CFAP92: variants seen among roughly 807,000 people sequenced by gnomAD.
CFAP92 encodes the protein uncharacterized protein CFAP92.
Under a neutral mutation model 106.3 loss-of-function variants are expected in CFAP92, and 86 were observed. That is an observed-to-expected ratio of 0.81 (90% CI 0.68 to 0.97). The LOEUF is 0.97. CFAP92 is among the 50% of genes least tolerant of loss of function. CFAP92 has a pLI of 0.00. For missense variants in CFAP92, 1,204 were observed against 1,283.8 expected (o/e 0.94, Z 0.95); for synonymous variants, 477 against 506.4 (o/e 0.94, Z 0.78).
chr3:128,914,860 C>T (rs1399393558), intron 15 of CFAP92: 1 of 466,778 alleles, frequency 2.1e-6, no homozygotes, highest in African/African-American at 1.9e-5. Flanking sequence ...ACTTTATAGC[C>T]AAGAAACCAG....
At chr3:129,018,487 T>G in the CFAP92 span, among the ~76,000 whole-genome samples, 4 of 152,254 alleles carry the variant, frequency 2.6e-5, no homozygotes, top group Admixed American at 1.3e-4. Flanking sequence ...TTTACATATT[T>G]TCTGGGACTG....
intron 11 of CFAP92, among the ~76,000 whole-genome samples, chr3:128,933,480 A>G (rs1215664669): frequency 6.6e-6 from 1 of 152,208 alleles, no homozygotes; most frequent in Admixed American, 6.5e-5. Context: ...GCCCTCTGCC[A>G]TGGCCTGGTG....
the CFAP92 span, among the ~76,000 whole-genome samples, chr3:129,012,353 C>A: frequency 1.3e-5 from 2 of 152,174 alleles, no homozygotes; most frequent in Admixed American, 6.5e-5. Context: ...GGTGTGCCTG[C>A]ATTTGCTACA....
At chr3:128,994,729 C>T (rs1944415558), upstream of CFAP92, among the ~76,000 whole-genome samples, 1 of 152,182 alleles carries the variant, frequency 6.6e-6, no homozygotes, top group South Asian at 2.1e-4. Context: ...GTCTGCTAAA[C>T]CACCCAAGCT....
At chr3:128,937,222 C>A (rs1939112896) in intron 10 of CFAP92, among the ~76,000 whole-genome samples, 1 of 150,762 alleles carries the variant, frequency 6.6e-6, no homozygotes, top group Non-Finnish European at 1.5e-5. Context: ...GATGGCTTGA[C>A]CCCTGGAGGT....
intron 5 of CFAP92, among the ~76,000 whole-genome samples, chr3:128,977,541 C>A (rs1296284280): frequency 1.3e-5 from 2 of 152,128 alleles, no homozygotes; most frequent in Non-Finnish European, 2.9e-5. Context: ...TTTCTAAAAA[C>A]CACATATACA....
chr3:128,988,626 A>G, intron 3 of CFAP92, 102 bp downstream of exon 3: 2 of 1,209,044 alleles, frequency 1.7e-6, no homozygotes, highest in Non-Finnish European at 2.3e-6. Context: ...CTCCAATTCT[A>G]GCAAGCTGGA....
intron 11 of CFAP92, among the ~76,000 whole-genome samples, chr3:128,933,368 G>A (rs547776780): frequency 8.5e-5 from 13 of 152,318 alleles, no homozygotes; most frequent in African/African-American, 2.9e-4. Context: ...CATACACCGA[G>A]CCTCAGGGGG....
chr3:128,927,446 C>T (rs547557089), intron 12 of CFAP92, among the ~76,000 whole-genome samples: 4 of 152,202 alleles, frequency 2.6e-5, no homozygotes, highest in Admixed American at 1.3e-4. Flanking sequence ...TAGGGCCGGG[C>T]GCGGTGGCTC....
chr3:128,932,564 G>T, intron 12 of CFAP92, 136 bp downstream of exon 12: 1 of 834,720 alleles, frequency 1.2e-6, no homozygotes, highest in South Asian at 1.8e-5. Flanking sequence ...CATCCAGCAG[G>T]GTAGCCCAGG....
rs1000549654 is a variant in CFAP92 at position 128,978,135 on chromosome 3, C to T, written c.718G>A (p.Glu240Lys). ...NQRKLSEQGI[E>K]NTNIVREESN... Reference sequence around the variant, plus strand: ...TCTTCTCTGACAATGTTGGTATTCTCAATGCCCTGTTCAGATAATTTTCTC... The same window carrying T: ...TCTTCTCTGACAATGTTGGTATTCTTAATGCCCTGTTCAGATAATTTTCTC... Residue 240 changes from glutamate (E) to lysine (K), a missense_variant, in exon 5 of 16, where the codon GAG (glutamate) becomes AAG (lysine). Physicochemically the swap from Glu to Lys is moderately conservative, Grantham distance 56. Coordinates refer to ENST00000645291, the MANE Select transcript of CFAP92 (RefSeq NM_001394090.1). 5 of 1,613,842 alleles carry T rather than the reference C, an allele frequency of 3.1e-6. No homozygotes were observed. The highest frequency in any genetic ancestry group is 2.7e-5 in the African/African-American group (2 of 74,912).
intron 2 of CFAP92, 67 bp downstream of exon 2, chr3:128,992,976 A>C (rs887287186): frequency 6.3e-7 from 1 of 1,584,836 alleles, no homozygotes. Context: ...TATGCGCCCT[A>C]AACTCCTGCA....
chr3:128,960,369 C>G (rs897002212), intron 9 of CFAP92, among the ~76,000 whole-genome samples: 51 of 152,224 alleles, frequency 3.4e-4, no homozygotes, highest in Non-Finnish European at 4.0e-4. Context: ...GACCGACCAG[C>G]CCAAGAAACA....
At chr3:128,963,289 G>C (rs1163151678) in intron 9 of CFAP92, among the ~76,000 whole-genome samples, 1 of 152,180 alleles carries the variant, frequency 6.6e-6, no homozygotes, top group Non-Finnish European at 1.5e-5. Context: ...ACACCGTGTA[G>C]CCTTTCTGTC....
the CFAP92 span, among the ~76,000 whole-genome samples, chr3:129,021,504 G>T: frequency 2.6e-5 from 4 of 152,172 alleles, no homozygotes; most frequent in Non-Finnish European, 4.4e-5. Flanking sequence ...AACCCGGGAG[G>T]CGGAGGTTGT....
intron 2 of CFAP92, among the ~76,000 whole-genome samples, chr3:128,992,339 A>G (rs1944264920): frequency 6.6e-6 from 1 of 152,144 alleles, no homozygotes; most frequent in Admixed American, 6.5e-5. Flanking sequence ...AGGCAGGAGG[A>G]TGACCTGAGG....
chr3:129,004,084 G>A (rs1445156042), upstream of CFAP92: 3 of 1,487,614 alleles, frequency 2.0e-6, no homozygotes, highest in African/African-American at 2.9e-5. Flanking sequence ...ACAGGTGAGC[G>A]GGGGCGCGTG....
intron 9 of CFAP92, among the ~76,000 whole-genome samples, chr3:128,962,270 G>T (rs372246103): frequency 3.9e-5 from 6 of 152,072 alleles, no homozygotes; most frequent in East Asian, 3.8e-4. Context: ...CCCTTCTTAA[G>T]CAATACGGAG....
At chr3:128,988,623 T>A (rs1416524532) in intron 3 of CFAP92, 105 bp downstream of exon 3, 2 of 1,200,272 alleles carry the variant, frequency 1.7e-6, no homozygotes, top group Non-Finnish European at 2.4e-6. Flanking sequence ...ATCCTCCAAT[T>A]CTAGCAAGCT....
Sources: allele counts gnomAD v4.1 joint callset (sites outside exome capture counted in the v4.1 genomes callset), GRCh38; gene constraint gnomAD v4.1.1; transcripts MANE v1.5; gene names NCBI Gene and HGNC (gene_info 2026-07-23, HGNC 2026-07-21).